The following CDYL variants were observed in gnomAD, a reference collection of about 807,000 sequenced individuals.
The protein encoded by CDYL is chromodomain Y-like protein.
Under a neutral mutation model 47.3 loss-of-function variants are expected in CDYL, and 8 were observed. The ratio of observed to expected loss-of-function variants is 0.17; its 90% confidence interval spans 0.10 to 0.31. CDYL has a LOEUF of 0.31. Among genes scored for constraint, CDYL ranks in the 10% least tolerant of loss-of-function variants. CDYL has a pLI of 1.00. For missense variants in CDYL, 471 were observed against 701.4 expected, an observed-to-expected ratio of 0.67 and a Z score of 3.71; for synonymous variants, 266 against 265.0, an observed-to-expected ratio of 1.00 and a Z score of -0.04.
At chr6:4,843,327 G>A (rs749495527) in intron 1 of CDYL, among the ~76,000 whole-genome samples, 5 of 152,016 alleles carry the variant, frequency 3.3e-5, no homozygotes, top group Non-Finnish European at 5.9e-5. Context: ...AATTTCCCAG[G>A]TGTTCTTTGA....
At chr6:4,914,308 T>C (rs950032659) in intron 2 of CDYL, among the ~76,000 whole-genome samples, 1 of 148,582 alleles carries the variant, frequency 6.7e-6, no homozygotes, top group Non-Finnish European at 1.5e-5. Flanking sequence ...GGCAGGAGAG[T>C]ACGGCTCCGT....
At chr6:4,876,605 A>G (rs1581229557) in intron 1 of CDYL, among the ~76,000 whole-genome samples, 1 of 152,170 alleles carries the variant, frequency 6.6e-6, no homozygotes, top group Admixed American at 6.5e-5. Context: ...TGTTTAATTG[A>G]TAAGTAAAAT....
At chr6:4,951,663 T>TA (rs1167244747) in intron 5 of CDYL, among the ~76,000 whole-genome samples, 1 of 152,070 alleles carries the variant, frequency 6.6e-6, no homozygotes, top group Non-Finnish European at 1.5e-5. Flanking sequence ...ATCCAAGCGA[T>TA]ACAAGGCAGC....
chr6:4,920,986 A>G (rs980022610), intron 2 of CDYL, among the ~76,000 whole-genome samples: 1 of 102,668 alleles, frequency 9.7e-6, no homozygotes, highest in African/African-American at 3.6e-5. Context: ...CTGCACCAGC[A>G]TGATACATCT....
chr6:4,780,396 A>ACCCCCCCCCCCCCCCC (rs1561847017), intron 1 of CDYL, among the ~76,000 whole-genome samples: 2 of 7,378 alleles, frequency 2.7e-4, no homozygotes, highest in East Asian at 7.0e-3. Flanking sequence ...ACCCCCGCCT[A>ACCCCCCCCCCCCCCCC]CGCCCCCCCC....
At chr6:4,881,239 G>T (rs561935023) in intron 1 of CDYL, among the ~76,000 whole-genome samples, 1 of 151,960 alleles carries the variant, frequency 6.6e-6, no homozygotes, top group East Asian at 1.9e-4. Context: ...TTGTTCCTCT[G>T]TTCCTCTTTT....
At chr6:4,777,163 T>TG (rs1758488963) in intron 1 of CDYL, among the ~76,000 whole-genome samples, 4 of 48,864 alleles carry the variant, frequency 8.2e-5, no homozygotes, top group African/African-American at 4.2e-4. Context: ...GTACGGGGGG[T>TG]GGGGTGTGGG....
chr6:4,867,579 T>G (rs1323588372), intron 1 of CDYL, among the ~76,000 whole-genome samples: 1 of 152,166 alleles, frequency 6.6e-6, no homozygotes, highest in Non-Finnish European at 1.5e-5. Flanking sequence ...GAGATGGTTA[T>G]GTGGTTTTTC....
intron 1 of CDYL, among the ~76,000 whole-genome samples, chr6:4,824,441 T>C (rs1402346228): frequency 6.6e-6 from 1 of 152,250 alleles, no homozygotes; most frequent in Non-Finnish European, 1.5e-5. Context: ...TAAAGTAGTA[T>C]TTCATTGTGA....
chr6:4,826,435 A>T (rs1260283737), intron 1 of CDYL, among the ~76,000 whole-genome samples: 1 of 152,076 alleles, frequency 6.6e-6, no homozygotes, highest in Admixed American at 6.6e-5. Flanking sequence ...CTTAAGGTGT[A>T]AAGTTAGGCT....
chr6:4,783,003 C>T (rs1471243624), intron 1 of CDYL, among the ~76,000 whole-genome samples: 8 of 152,158 alleles, frequency 5.3e-5, no homozygotes, highest in Admixed American at 3.9e-4. Context: ...ATTTTACATT[C>T]CTTGAACCCT....
At chr6:4,950,545 A>G (rs1758665708) in intron 5 of CDYL, among the ~76,000 whole-genome samples, 1 of 152,180 alleles carries the variant, frequency 6.6e-6, no homozygotes, top group African/African-American at 2.4e-5. Flanking sequence ...CACTCACAGT[A>G]AGGTCGGGTC....
At chr6:4,950,249 C>T (rs574351933) in intron 5 of CDYL, among the ~76,000 whole-genome samples, 35 of 152,260 alleles carry the variant, frequency 2.3e-4, no homozygotes, top group Admixed American at 1.5e-3. Flanking sequence ...AGGAAGCCTG[C>T]GGACACCTGC....
chr6:4,867,942 A>G (rs1460182914), intron 1 of CDYL, among the ~76,000 whole-genome samples: 3 of 151,888 alleles, frequency 2.0e-5, no homozygotes, highest in Non-Finnish European at 4.4e-5. Flanking sequence ...TGCCAGGTGT[A>G]GGTAGTGATG....
chr6:4,793,690 G>A lies in CDYL; in HGVS notation c.24+16883G>A, dbSNP rs148476669. Among the ~76,000 whole-genome samples, 1,313 of 152,314 alleles carry A rather than the reference G, an allele frequency of 8.6e-3. 9 individuals are homozygous for A. The highest frequency in any genetic ancestry group is 0.03 in the African/African-American group (1,252 of 41,556). On this transcript the variant is annotated intron_variant, in intron 1 of 6. Coordinates refer to ENST00000397588, the MANE Select transcript of CDYL (RefSeq NM_004824.4). ...GGCTGGCAGGATAATCCAGGCAAAG[G>A]ATGATGGTGGTTTGAAACCCAGGTG... is the stretch of plus-strand genomic sequence containing the variant.
chr6:4,806,769 A>G (rs1475979441), intron 1 of CDYL, among the ~76,000 whole-genome samples: 1 of 152,200 alleles, frequency 6.6e-6, no homozygotes, highest in African/African-American at 2.4e-5. Context: ...AAATGTTCCT[A>G]AATTCTGGTT....
chr6:4,899,393 G>A (rs1309956780), intron 2 of CDYL, among the ~76,000 whole-genome samples: 1 of 152,204 alleles, frequency 6.6e-6, no homozygotes. Flanking sequence ...CCCCAAAGAA[G>A]TGGTTAGGTT....
chr6:4,801,248 C>T (rs183756808), intron 1 of CDYL, among the ~76,000 whole-genome samples: 1 of 152,280 alleles, frequency 6.6e-6, no homozygotes, highest in Admixed American at 6.5e-5. Flanking sequence ...ATTGCCATAT[C>T]TGTTCACTTA....
chr6:4,862,327 G>A (rs569864596), intron 1 of CDYL, among the ~76,000 whole-genome samples: 2 of 152,282 alleles, frequency 1.3e-5, no homozygotes, highest in South Asian at 2.1e-4. Flanking sequence ...TTGAGGGGGT[G>A]GGATGAGTTA....
Sources: allele counts gnomAD v4.1 joint callset (sites outside exome capture counted in the v4.1 genomes callset), GRCh38; gene constraint gnomAD v4.1.1; transcripts MANE v1.5; gene names NCBI Gene and HGNC (gene_info 2026-07-23, HGNC 2026-07-21).